The following POLQ variants were observed in gnomAD, a reference collection of about 807,000 sequenced individuals.
POLQ encodes the protein DNA polymerase theta, also known as epididymis secretory sperm binding protein.
A neutral mutation model predicts 259.2 loss-of-function variants in POLQ; 233 were observed. The observed-to-expected ratio is 0.90, with a 90% CI of 0.81 to 1.00. POLQ has a LOEUF of 1.00. Among genes scored for constraint, POLQ ranks in the 50% least tolerant of loss-of-function variants. POLQ has a pLI of 0.00. For missense variants in POLQ, 2,871 were observed against 3,051.6 expected, an observed-to-expected ratio of 0.94 and a Z score of 1.39; for synonymous variants, 1,025 against 1,048.8, an observed-to-expected ratio of 0.98 and a Z score of 0.44.
intron 6 of POLQ, among the ~76,000 whole-genome samples, 177 bp downstream of exon 6, chr3:121,532,813 G>A (rs1210765837): frequency 2.0e-5 from 3 of 152,092 alleles, no homozygotes; most frequent in South Asian, 4.1e-4. Flanking sequence ...GATTACAGAC[G>A]TCAGCCACCA....
chr3:121,453,722 G>C (rs1315262117), intron 25 of POLQ, among the ~76,000 whole-genome samples: 1 of 152,180 alleles, frequency 6.6e-6, no homozygotes, highest in Admixed American at 6.5e-5. Context: ...CAAGAAATAT[G>C]AGATTATGTG....
intron 1 of POLQ, 60 bp downstream of exon 1, chr3:121,545,655 C>T (rs2048527668): frequency 2.7e-6 from 4 of 1,473,234 alleles, no homozygotes; most frequent in Non-Finnish European, 3.6e-6. Flanking sequence ...GGACACCTCC[C>T]GACCCATGGC....
Position 121,489,417 on chromosome 3 carries a change from G to A in POLQ, c.3514C>T (p.Leu1172=). ...AVEAEKINEV[L]IQNGSKNQNV... ...TGGTTTTTTGAACCATTTTGTATCA[G>A]CACTTCATTTATTTTTTCTGCCTCA... The change falls in exon 16 of 30, where the codon CTG becomes TTG. Residue 1172 remains leucine, a synonymous_variant. Transcript: ENST00000264233. 1.2e-6 allele frequency: 2 copies of A among 1,613,930 alleles called. No homozygotes were observed. The highest frequency in any genetic ancestry group is 1.7e-6 in the Non-Finnish European group (2 of 1,179,960).
In POLQ at chr3:121,489,471, C is replaced by T; in HGVS notation, c.3460G>A (p.Val1154Ile). Residue 1154 changes from valine to isoleucine, a missense_variant, in exon 16 of 30, where the codon GTT (valine) becomes ATT (isoleucine). This residue lies in a region of POLQ where 2,080 missense variants were observed against 2,126.0 expected (regional missense o/e 0.98). Coordinates refer to ENST00000264233, the MANE Select transcript of POLQ (RefSeq NM_199420.4). ...KNVTCQATSV[V>I]SEKGRGVAVE... is the part of the protein sequence containing the mutation. ...GCTACTCCTCTGCCCTTTTCACTAA[C>T]CACACTAGTGGCCTGACAAGTCACA... 1 of 1,613,990 alleles carries T rather than the reference C, an allele frequency of 6.2e-7. No individual in the cohort carries two copies. Among genetic ancestry groups the T allele is most frequent in the Non-Finnish European group, 8.5e-7 (1 of 1,179,900 alleles).
In POLQ at chr3:121,531,005, T is replaced by C. The variant is rs575199111; in HGVS notation, c.961-1213A>G. 3.3e-5 allele frequency among the ~76,000 whole-genome samples: 5 copies of C among 152,138 alleles called. No individual in the cohort carries two copies. In the East Asian group the frequency reaches 5.8e-4, roughly 18 times the overall value. On this transcript the variant is annotated intron_variant, in intron 6 of 29. Transcript: ENST00000264233. ...GAGCTCGAGACCAGCCTGACCAACA[T>C]GGAGAAGCTCCGCCTCTAGTAAAAA...
In POLQ at chr3:121,456,938, C is replaced by T. The variant is rs2047743984; in HGVS notation, c.7152+3112G>A. 3.9e-5 allele frequency among the ~76,000 whole-genome samples: 6 copies of T among 152,026 alleles called. No homozygotes were observed. In the South Asian group the frequency reaches 1.2e-3, roughly 32 times the overall value. On this transcript the variant is annotated intron_variant, in intron 25 of 29. Coordinates refer to ENST00000264233, the MANE Select transcript of POLQ (RefSeq NM_199420.4). The stretch of plus-strand genomic sequence containing the variant: ...CCTGCATCGCCAAGTCAATCCTAAG[C>T]AAAAAGAACAAAGCTGGAGGCATCA...
chr3:121,438,705 T>C (rs1330694876), intron 27 of POLQ, among the ~76,000 whole-genome samples: 1 of 152,232 alleles, frequency 6.6e-6, no homozygotes, highest in African/African-American at 2.4e-5. Context: ...TAATTAAGTA[T>C]ATCAATGATG....
Position 121,537,171 on chromosome 3 carries a change from G to A in POLQ, c.669C>T (p.Asp223=). Residue 223 remains aspartate, a synonymous_variant, in exon 5 of 30, where the codon GAC becomes GAT. Transcript: ENST00000264233. ...GTTCCAGCAGATACCCTCGGTGAGAGTCTCCCAGCATATGTAATTCATCCA... is the reference window on the plus strand; with the variant it reads ...GTTCCAGCAGATACCCTCGGTGAGAATCTCCCAGCATATGTAATTCATCCA... ...VVVDELHMLG[D]SHRGYLLELL... 1.2e-6 allele frequency: 2 copies of A among 1,605,274 alleles called. No individual in the cohort carries two copies. Among genetic ancestry groups the A allele is most frequent in the Non-Finnish European group, 1.7e-6 (2 of 1,172,336 alleles).
chr3:121,463,348 C>T (rs2047808299), intron 24 of POLQ, among the ~76,000 whole-genome samples: 2 of 152,184 alleles, frequency 1.3e-5, no homozygotes, highest in African/African-American at 4.8e-5. Flanking sequence ...GATTGTGAGG[C>T]CTCCCCAGCA....
intron 5 of POLQ, 35 bp from the exon 6 acceptor site, chr3:121,533,244 T>C (rs1489977131): frequency 7.5e-7 from 1 of 1,332,054 alleles, no homozygotes; most frequent in African/African-American, 1.5e-5. Context: ...CATTAAAAGA[T>C]ATATAATACA....
intron 9 of POLQ, among the ~76,000 whole-genome samples, chr3:121,519,109 A>G (rs1051139897): frequency 1.3e-5 from 2 of 152,026 alleles, no homozygotes; most frequent in Non-Finnish European, 2.9e-5. Flanking sequence ...TGGGATGTCA[A>G]GTTCCTATTC....
intron 28 of POLQ, 136 bp from the exon 29 acceptor site, chr3:121,433,169 T>C: frequency 1.6e-6 from 1 of 631,804 alleles, no homozygotes; most frequent in Non-Finnish European, 2.9e-6. Context: ...ATCAGGAAAA[T>C]AACTACTTGC....
At chr3:121,505,936 C>T (rs1235841051) in intron 12 of POLQ, among the ~76,000 whole-genome samples, 7 of 149,886 alleles carry the variant, frequency 4.7e-5, no homozygotes, top group Non-Finnish European at 8.9e-5. Context: ...GCAGGAGAAT[C>T]GCTTGAACCC....
chr3:121,521,934 C>T, intron 8 of POLQ, 69 bp downstream of exon 8: 1 of 1,080,524 alleles, frequency 9.3e-7, no homozygotes, highest in Non-Finnish European at 1.3e-6. Flanking sequence ...TAAATGTACA[C>T]AAATATAAAA....
At chr3:121,471,665 C>T (rs2047884560) in intron 22 of POLQ, among the ~76,000 whole-genome samples, 1 of 152,084 alleles carries the variant, frequency 6.6e-6, no homozygotes, top group African/African-American at 2.4e-5. Flanking sequence ...TCACTTGAAC[C>T]TGGGAGGCAG....
At chr3:121,453,114 A>T (rs557269180) in intron 25 of POLQ, among the ~76,000 whole-genome samples, 1 of 152,336 alleles carries the variant, frequency 6.6e-6, no homozygotes, top group African/African-American at 2.4e-5. Context: ...ACCGCTGTTG[A>T]TATCCAGGCA....
At chr3:121,481,541 A>G (rs1186323772) in intron 19 of POLQ, 31 bp downstream of exon 19, 3 of 1,554,358 alleles carry the variant, frequency 1.9e-6, no homozygotes, top group Non-Finnish European at 2.6e-6. Context: ...TCTAATCTAT[A>G]ACATAAAAAT....
In POLQ at chr3:121,445,272, C is replaced by T. The variant is rs547807279; in HGVS notation, c.7264+4043G>A. ...TGTGGAAGACTTTTTATTATGGCTT[C>T]GATCTCATTATTTGTTCTTAGACTG... On this transcript the variant is annotated intron_variant, in intron 26 of 29. Transcript: ENST00000264233. 1.2e-4 allele frequency among the ~76,000 whole-genome samples: 18 copies of T among 152,154 alleles called. No individual in the cohort carries two copies. The South Asian group carries it at 2.7e-3, about 23-fold the overall frequency.
chr3:121,523,389 A>G (rs1367685813), intron 7 of POLQ, among the ~76,000 whole-genome samples: 1 of 152,102 alleles, frequency 6.6e-6, no homozygotes, highest in Non-Finnish European at 1.5e-5. Flanking sequence ...AGACTTTTGG[A>G]TTTTTGAACT....
Sources: allele counts gnomAD v4.1 joint callset (sites outside exome capture counted in the v4.1 genomes callset), GRCh38; gene constraint gnomAD v4.1.1; regional missense constraint gnomAD v4.1.1; transcripts MANE v1.5; gene names NCBI Gene and HGNC (gene_info 2026-07-23, HGNC 2026-07-21).